RPA2: variants seen among roughly 807,000 people sequenced by gnomAD.
The protein encoded by RPA2 is replication protein A 32 kDa subunit.
Under a neutral mutation model 33.4 loss-of-function variants are expected in RPA2, and 22 were observed. The observed-to-expected ratio is 0.66, with a 90% confidence interval of 0.47 to 0.94. The LOEUF (loss-of-function observed/expected upper bound fraction) is 0.94, where lower values mean the gene tolerates loss of function less well. Ranked by LOEUF, RPA2 falls within the 40% of genes least tolerant of loss-of-function variation. The pLI, the probability that RPA2 is intolerant of heterozygous loss-of-function variation, is 0.00. For missense variants in RPA2, 279 were observed against 329.9 expected (o/e 0.85, Z 1.19); for synonymous variants, 109 against 114.9 (o/e 0.95, Z 0.33).
chr1:27,903,864 TAAA>T (rs34163774), intron 4 of RPA2, among the ~76,000 whole-genome samples: 1,517 of 92,822 alleles, frequency 0.016, 31 homozygotes, highest in African/African-American at 0.057. Context: ...TGTCTCTATT[TAAA>T]AAAAAAAAAA....
chr1:27,899,832 C>T (rs1023003339), intron 4 of RPA2, among the ~76,000 whole-genome samples: 3 of 152,066 alleles, frequency 2.0e-5, no homozygotes, highest in Non-Finnish European at 4.4e-5. Context: ...AGGCGCCCGC[C>T]ACCACGCCCG....
Position 27,908,934 on chromosome 1 carries a change from G to C in RPA2, c.118-1652C>G, listed in dbSNP as rs142379111. On this transcript the variant is annotated intron_variant, in intron 2 of 8. Coordinates refer to ENST00000373912, the MANE Select transcript of RPA2 (RefSeq NM_002946.5). ...TCAACATATTCCTAATCTAGGGGAG[G>C]TACAAAGGTAAACAATAAACCTGAT... Among the ~76,000 whole-genome samples the C allele has an allele frequency of 3.7e-4, 56 of 152,276 alleles. No individual in the cohort carries two copies. In the East Asian group the frequency reaches 0.01, roughly 28 times the overall value.
intron 1 of RPA2, 126 bp downstream of exon 1, chr1:27,914,304 CCCCA>C (rs2090140739): frequency 5.6e-6 from 9 of 1,608,004 alleles, no homozygotes; most frequent in Non-Finnish European, 7.6e-6. Flanking sequence ...TGCGGGTGAC[CCCCA>C]AACGCCCCAG....
chr1:27,908,606 C>T (rs1217165985), intron 2 of RPA2, among the ~76,000 whole-genome samples: 1 of 152,068 alleles, frequency 6.6e-6, no homozygotes, highest in Non-Finnish European at 1.5e-5. Context: ...AGCAATTCTC[C>T]TGTCTCAGCC....
At chr1:27,911,805 T>A (rs1461872844) in intron 2 of RPA2, among the ~76,000 whole-genome samples, 1 of 152,090 alleles carries the variant, frequency 6.6e-6, no homozygotes, top group Non-Finnish European at 1.5e-5. Context: ...ATGAAAGTTA[T>A]AAAGCGGCCG....
chr1:27,898,145 C>T (rs577852633), intron 4 of RPA2, among the ~76,000 whole-genome samples: 58 of 152,080 alleles, frequency 3.8e-4, no homozygotes, highest in South Asian at 6.2e-4. Flanking sequence ...TACAGGCGCC[C>T]GCCACCACGC....
At chr1:27,914,268 C>A (rs759098922) in intron 1 of RPA2, 99 bp from the exon 2 acceptor site, 1 of 1,597,284 alleles carries the variant, frequency 6.3e-7, no homozygotes, top group South Asian at 1.1e-5. Context: ...CTGCCCGAGT[C>A]TCCCTAACCT....
At chr1:27,904,928 G>A (rs551014050) in intron 4 of RPA2, among the ~76,000 whole-genome samples, 4 of 151,974 alleles carry the variant, frequency 2.6e-5, no homozygotes, top group South Asian at 2.1e-4. Flanking sequence ...CTGGGATTAC[G>A]GGCGTGAGTC....
chr1:27,914,019 T>A (rs937547103), intron 2 of RPA2, 44 bp downstream of exon 2: 1 of 1,516,070 alleles, frequency 6.6e-7, no homozygotes, highest in Admixed American at 2.2e-5. Flanking sequence ...ACTCAGGGAC[T>A]TCAGGACAGG....
intron 1 of RPA2, 81 bp downstream of exon 1, chr1:27,914,353 G>A: frequency 3.1e-6 from 5 of 1,613,800 alleles, no homozygotes; most frequent in Non-Finnish European, 4.2e-6. Context: ...GCTACCACAC[G>A]CCTCTCGGAC....
Position 27,907,249 on chromosome 1 carries a change from T to G in RPA2, c.151A>C (p.Ile51Leu). ...ARAQHIVPCT[I>L]SQLLSATLVD... ...AAAGTGGCAGAAAGCAGCTGAGATATAGTACAGGGCACAATGTGCTGGGCT... is the reference window on the plus strand; with the variant it reads ...AAAGTGGCAGAAAGCAGCTGAGATAGAGTACAGGGCACAATGTGCTGGGCT... The change falls in exon 3 of 9, where the codon ATA (isoleucine) becomes CTA (leucine). Residue 51 changes from isoleucine to leucine, a missense_variant. Around this residue, in one of 2 missense-constraint regions of RPA2, gnomAD observed 274 missense variants for 310.3 expected, o/e 0.88. Transcript: ENST00000373912. 6.2e-7 allele frequency: 1 copy of G among 1,613,966 alleles called. No homozygotes were observed. The highest frequency in any genetic ancestry group is 8.5e-7 in the Non-Finnish European group (1 of 1,179,958).
rs28988910 is a variant in RPA2 at position 27,909,529 on chromosome 1, C to T, written c.118-2247G>A. Reference sequence around the variant, plus strand: ...TTGAGATCAAGCCTGGCCAACATGGCGAAACCCCATTTCTACTAAAAATTT... The same window carrying T: ...TTGAGATCAAGCCTGGCCAACATGGTGAAACCCCATTTCTACTAAAAATTT... On this transcript the variant is annotated intron_variant, in intron 2 of 8. Transcript: ENST00000373912. 5.5e-3 allele frequency among the ~76,000 whole-genome samples: 833 copies of T among 151,888 alleles called. 9 individuals are homozygous for T. Among genetic ancestry groups the T allele is most frequent in the African/African-American group, 0.017 (699 of 41,408 alleles).
In RPA2 at chr1:27,914,069, C is replaced by A. The variant is rs2090135900; in HGVS notation, c.111G>T (p.Lys37Asn). The change falls in exon 2 of 9, where the codon AAG becomes AAT. Residue 37 changes from lysine (K) to asparagine (N), a missense_variant. Coordinates refer to ENST00000373912, the MANE Select transcript of RPA2 (RefSeq NM_002946.5). ...AATACTCCTTTCAACCTACTGATTT[C>A]TTTTCGGCTTGAGAAGGTGCGGGCG... ...FGSPAPSQAE[K>N]KSRARAQHIV... 1.3e-6 allele frequency: 2 copies of A among 1,592,656 alleles called. No homozygotes were observed. Among genetic ancestry groups the A allele is most frequent in the Non-Finnish European group, 1.7e-6 (2 of 1,170,050 alleles).
intron 2 of RPA2, among the ~76,000 whole-genome samples, chr1:27,910,645 T>G (rs2090085153): frequency 6.6e-6 from 1 of 152,184 alleles, no homozygotes; most frequent in Non-Finnish European, 1.5e-5. Context: ...ATTTGAAACT[T>G]CACATGGTTC....
At chr1:27,914,777 A>C (rs1313182287), upstream of RPA2, 1 of 1,162,430 alleles carries the variant, frequency 8.6e-7, no homozygotes, top group Admixed American at 2.2e-5. Flanking sequence ...GCGGTATCGC[A>C]AGAAATCAAC....
intron 2 of RPA2, among the ~76,000 whole-genome samples, chr1:27,908,733 G>A (rs560409955): frequency 2.9e-4 from 44 of 152,250 alleles, no homozygotes; most frequent in African/African-American, 9.9e-4. Flanking sequence ...CCTGACCTCA[G>A]GCAATCTGCC....
In RPA2 at chr1:27,914,423, C is replaced by A. The variant is rs199958745; in HGVS notation, c.10+11G>T. The stretch of plus-strand genomic sequence containing the variant: ...TTCTCTTCCTCCTCCACCCCGCACC[C>A]CCATCATTACTGTTCCACATCTTGG... On this transcript the variant is annotated intron_variant, in intron 1 of 8. Transcript: ENST00000373912. 5.0e-6 allele frequency: 8 copies of A among 1,606,920 alleles called. No individual in the cohort carries two copies. Among genetic ancestry groups the A allele is most frequent in the Admixed American group, 1.7e-5 (1 of 59,442 alleles).
At chr1:27,899,523 A>G (rs2089938758) in intron 4 of RPA2, among the ~76,000 whole-genome samples, 1 of 150,944 alleles carries the variant, frequency 6.6e-6, no homozygotes, top group South Asian at 2.1e-4. Context: ...GAAAAAAAAA[A>G]AAAAAAAACC....
chr1:27,901,314 T>C (rs1302070452), intron 4 of RPA2, among the ~76,000 whole-genome samples: 1 of 152,086 alleles, frequency 6.6e-6, no homozygotes, highest in South Asian at 2.1e-4. Flanking sequence ...TATGAATTGC[T>C]GAGGGTTCGG....
Sources: gnomAD v4.1 joint callset for allele counts (sites outside exome capture counted in the v4.1 genomes callset) on GRCh38, gnomAD v4.1.1 for gene constraint, gnomAD v4.1.1 regional missense constraint, MANE v1.5 for transcripts, NCBI Gene and HGNC (gene_info 2026-07-23, HGNC 2026-07-21) for gene names.